Variants in GRIN2B observed in about 807,000 individuals in gnomAD.
The protein encoded by GRIN2B is glutamate receptor ionotropic, NMDA 2B.
Under a neutral mutation model 114.5 loss-of-function variants are expected in GRIN2B, and 5 were observed. That is an observed-to-expected ratio of 0.04 (90% confidence interval 0.02 to 0.09). The LOEUF is 0.09. Among genes scored for constraint, GRIN2B ranks in the 10% least tolerant of loss-of-function variants. The pLI, the probability that GRIN2B is intolerant of heterozygous loss-of-function variation, is 1.00. For synonymous variants in GRIN2B, 787 were observed against 745.1 expected, an observed-to-expected ratio of 1.06 and a Z score of -0.92; for missense variants, 1,108 against 1,943.5, an observed-to-expected ratio of 0.57 and a Z score of 8.08.
At chr12:13,611,936 G>T (rs1042015066) in intron 8 of GRIN2B, 86 bp from the exon 9 acceptor site, 1 of 1,413,546 alleles carries the variant, frequency 7.1e-7, no homozygotes, top group Admixed American at 1.7e-5. Flanking sequence ...TCATATTTTA[G>T]GGGGTGGGGA....
chr12:13,949,697 G>A (rs1867442761), intron 2 of GRIN2B, among the ~76,000 whole-genome samples: 1 of 152,160 alleles, frequency 6.6e-6, no homozygotes, highest in Non-Finnish European at 1.5e-5. Flanking sequence ...TATTACAGAG[G>A]AAGATCACAA....
intron 2 of GRIN2B, among the ~76,000 whole-genome samples, chr12:13,972,676 C>G (rs957325117): frequency 5.9e-5 from 9 of 152,178 alleles, no homozygotes; most frequent in African/African-American, 2.2e-4. Context: ...CATTATGTGG[C>G]TTTAGGCCAC....
chr12:13,593,590 A>T (rs572903257), intron 10 of GRIN2B, among the ~76,000 whole-genome samples: 1 of 152,342 alleles, frequency 6.6e-6, no homozygotes, highest in African/African-American at 2.4e-5. Context: ...AACCATAAAA[A>T]CCCTAGAAGA....
chr12:13,658,418 C>G (rs1949888822), intron 5 of GRIN2B, among the ~76,000 whole-genome samples: 1 of 151,980 alleles, frequency 6.6e-6, no homozygotes, highest in Non-Finnish European at 1.5e-5. Context: ...AATATCGTTA[C>G]ATAAAAGAGA....
chr12:13,705,462 T>A (rs1418960106), intron 4 of GRIN2B, among the ~76,000 whole-genome samples: 1 of 152,160 alleles, frequency 6.6e-6, no homozygotes, highest in African/African-American at 2.4e-5. Context: ...TTTTGAACTT[T>A]CATGGCAGGA....
intron 3 of GRIN2B, among the ~76,000 whole-genome samples, chr12:13,835,771 TAAAAAAAAAA>T (rs1165005583): frequency 1.1e-5 from 1 of 91,492 alleles, no homozygotes; most frequent in African/African-American, 4.4e-5. Flanking sequence ...CATAGCACAT[TAAAAAAAAAA>T]AAAAAAAAAA....
intron 4 of GRIN2B, among the ~76,000 whole-genome samples, chr12:13,748,754 A>G (rs1863431131): frequency 1.3e-5 from 2 of 152,226 alleles, no homozygotes; most frequent in Non-Finnish European, 2.9e-5. Flanking sequence ...AATGCTATGA[A>G]GTTCCAACAG....
chr12:13,946,210 C>A (rs1308326265), intron 2 of GRIN2B, among the ~76,000 whole-genome samples: 1 of 152,022 alleles, frequency 6.6e-6, no homozygotes, highest in African/African-American at 2.4e-5. Flanking sequence ...TAAGCTGATA[C>A]CTAATTTCAT....
At chr12:13,633,349 C>A (rs545587717) in intron 5 of GRIN2B, among the ~76,000 whole-genome samples, 24 of 152,300 alleles carry the variant, frequency 1.6e-4, no homozygotes, top group African/African-American at 5.5e-4. Flanking sequence ...CAAAGCCTCA[C>A]GCATGCTAAT....
rs375677203 is a variant in GRIN2B at position 13,900,355 on chromosome 12, A to G, written c.-18-34129T>C. On this transcript the variant is annotated intron_variant, in intron 2 of 13. Coordinates refer to ENST00000609686, the MANE Select transcript of GRIN2B (RefSeq NM_000834.5). The stretch of plus-strand genomic sequence containing the variant: ...CTGGTCATGGTGGTGGACGCCTATA[A>G]TCCCAGCTACACAGGAGGCCAAGGC... Among the ~76,000 whole-genome samples the G allele has an allele frequency of 1.0e-3, 156 of 152,074 alleles. 3 individuals carry two copies. In the South Asian group the frequency reaches 0.026, roughly 26 times the overall value.
chr12:13,869,272 C>T (rs1211909700), intron 2 of GRIN2B, among the ~76,000 whole-genome samples: 3 of 127,326 alleles, frequency 2.4e-5, no homozygotes, highest in African/African-American at 9.3e-5. Flanking sequence ...GGGGAGGATG[C>T]AACAGATACA....
chr12:13,971,174 A>G (rs1219228652), intron 2 of GRIN2B, among the ~76,000 whole-genome samples: 1 of 152,204 alleles, frequency 6.6e-6, no homozygotes, highest in African/African-American at 2.4e-5. Flanking sequence ...TTAGTGCCTC[A>G]CACCACCACA....
At chr12:13,605,551 T>TCTCTCTCTCA in intron 10 of GRIN2B, among the ~76,000 whole-genome samples, 1 of 30,438 alleles carries the variant, frequency 3.3e-5, no homozygotes, top group African/African-American at 1.0e-4. Flanking sequence ...TCTCTCTCTC[T>TCTCTCTCTCA]GACACACACA....
chr12:13,852,647 T>C (rs956691585), intron 3 of GRIN2B, among the ~76,000 whole-genome samples: 1 of 144,182 alleles, frequency 6.9e-6, no homozygotes, highest in African/African-American at 2.6e-5. Flanking sequence ...ATCTTCATAA[T>C]AGTTCTTTGA....
intron 3 of GRIN2B, among the ~76,000 whole-genome samples, chr12:13,847,483 G>A (rs1047599402): frequency 6.6e-6 from 1 of 152,124 alleles, no homozygotes; most frequent in African/African-American, 2.4e-5. Context: ...CAGACCACCT[G>A]GGAACTTTTA....
At chr12:13,934,077 G>A (rs998017089) in intron 2 of GRIN2B, among the ~76,000 whole-genome samples, 5 of 152,172 alleles carry the variant, frequency 3.3e-5, no homozygotes, top group South Asian at 2.1e-4. Flanking sequence ...GTTTTCTGTA[G>A]CATTTAGCCT....
intron 2 of GRIN2B, among the ~76,000 whole-genome samples, chr12:13,915,329 C>G (rs1015911487): frequency 1.2e-4 from 18 of 152,190 alleles, no homozygotes. Context: ...CACTCCATTT[C>G]CTTCCTCTTC....
At chr12:13,632,700 G>C (rs979664298) in intron 5 of GRIN2B, among the ~76,000 whole-genome samples, 1 of 152,196 alleles carries the variant, frequency 6.6e-6, no homozygotes, top group Non-Finnish European at 1.5e-5. Context: ...CTAGGCTGGA[G>C]GGTTGAGGGC....
At chr12:13,577,863 A>C (rs1263415764) in intron 10 of GRIN2B, among the ~76,000 whole-genome samples, 3 of 152,202 alleles carry the variant, frequency 2.0e-5, no homozygotes, top group Non-Finnish European at 2.9e-5. Flanking sequence ...AGAAACATAA[A>C]CATTCATTCA....
Sources: allele counts gnomAD v4.1 joint callset (sites outside exome capture counted in the v4.1 genomes callset), GRCh38; gene constraint gnomAD v4.1.1; transcripts MANE v1.5; gene names NCBI Gene and HGNC (gene_info 2026-07-23, HGNC 2026-07-21).